FOXP2: variants seen among roughly 807,000 people sequenced by gnomAD.
FOXP2 encodes the protein forkhead box protein P2.
FOXP2 carries 12 observed loss-of-function variants against 115.8 expected under a neutral mutation model. The ratio of observed to expected loss-of-function variants is 0.10; its 90% CI spans 0.07 to 0.17. FOXP2 has a LOEUF of 0.17. Ranked by LOEUF, FOXP2 falls within the 10% of genes least tolerant of loss-of-function variation. The probability of loss-of-function intolerance (pLI) is 1.00; values close to 1 mark genes in which losing one functional copy is unlikely to be tolerated. For synonymous variants in FOXP2, 328 were observed against 297.7 expected, an observed-to-expected ratio of 1.10 and a Z score of -1.05; for missense variants, 629 against 843.5, an observed-to-expected ratio of 0.75 and a Z score of 3.15.
At chr7:114,567,042 C>A (rs1259896213) in intron 3 of FOXP2, among the ~76,000 whole-genome samples, 1 of 152,014 alleles carries the variant, frequency 6.6e-6, no homozygotes, top group East Asian at 1.9e-4. Flanking sequence ...AAAAATATTT[C>A]TTTACTCATA....
chr7:114,395,687 G>T (rs182225950), intron 2 of FOXP2, among the ~76,000 whole-genome samples: 1 of 152,106 alleles, frequency 6.6e-6, no homozygotes, highest in African/African-American at 2.4e-5. Flanking sequence ...AGATTTGAGA[G>T]AGCAGGATTA....
At chr7:114,629,495 G>A (rs1804772013) in intron 4 of FOXP2, 1 of 1,067,262 alleles carries the variant, frequency 9.4e-7, no homozygotes, top group South Asian at 1.4e-5. Flanking sequence ...GTATAGCCTA[G>A]TTTTTATGTG....
At chr7:114,524,568 T>C (rs895620622) in intron 2 of FOXP2, among the ~76,000 whole-genome samples, 12 of 152,110 alleles carry the variant, frequency 7.9e-5, no homozygotes, top group Non-Finnish European at 1.8e-4. Flanking sequence ...TGAAAAAGCT[T>C]GGACATATAA....
intron 3 of FOXP2, chr7:114,613,725 C>T (rs1477054111): frequency 1.3e-5 from 2 of 150,010 alleles, no homozygotes; most frequent in Non-Finnish European, 3.0e-5. Flanking sequence ...TATATCAATG[C>T]TTAGCAAGAC....
chr7:114,360,697 T>C (rs1791725203), intron 2 of FOXP2, among the ~76,000 whole-genome samples: 1 of 152,156 alleles, frequency 6.6e-6, no homozygotes, highest in Non-Finnish European at 1.5e-5. Flanking sequence ...AAATGGAGAA[T>C]TGGTGGTGGA....
intron 3 of FOXP2, among the ~76,000 whole-genome samples, chr7:114,571,652 T>G (rs1801309213): frequency 6.6e-6 from 1 of 152,024 alleles, no homozygotes; most frequent in South Asian, 2.1e-4. Context: ...TTTTTCTTCC[T>G]TATCATTATT....
intron 1 of FOXP2, among the ~76,000 whole-genome samples, chr7:114,090,813 CT>C (rs962777347): frequency 4.0e-4 from 59 of 145,978 alleles, no homozygotes; most frequent in South Asian, 4.3e-4. Context: ...ATTCTTGGAA[CT>C]TTTTTTTTTT....
chr7:114,176,286 TTCTTTCTTTCTTTC>T (rs752451729), intron 1 of FOXP2, among the ~76,000 whole-genome samples: 820 of 41,046 alleles, frequency 0.02, 2 homozygotes, highest in Non-Finnish European at 0.044. Context: ...CTTTCTTTCT[TTCTTTCTTTCTTTC>T]TCTCTCTCTC....
intron 1 of FOXP2, among the ~76,000 whole-genome samples, chr7:114,102,175 G>C (rs746907687): frequency 2.6e-5 from 4 of 151,962 alleles, no homozygotes; most frequent in Non-Finnish European, 5.9e-5. Flanking sequence ...TTCTAAGGTT[G>C]AAGAATGCTT....
intron 2 of FOXP2, among the ~76,000 whole-genome samples, chr7:114,489,717 A>T (rs1796945442): frequency 6.6e-6 from 1 of 152,068 alleles, no homozygotes; most frequent in Non-Finnish European, 1.5e-5. Context: ...CACCAGGTGG[A>T]GGTTAAAGTT....
chr7:114,514,472 G>A (rs1053571300), intron 2 of FOXP2, among the ~76,000 whole-genome samples: 1 of 48,386 alleles, frequency 2.1e-5, no homozygotes, highest in Non-Finnish European at 3.2e-5. Context: ...TTAGTTCAAC[G>A]TTTTTGGTTT....
chr7:114,294,827 G>C (rs116445281), intron 2 of FOXP2, among the ~76,000 whole-genome samples: 2,034 of 150,158 alleles, frequency 0.014, 38 homozygotes, highest in African/African-American at 0.038. Flanking sequence ...GGCAACAGAA[G>C]GAGACACTGC....
intron 1 of FOXP2, among the ~76,000 whole-genome samples, chr7:114,121,639 AC>A (rs1791569542): frequency 6.6e-6 from 1 of 152,104 alleles, no homozygotes. Flanking sequence ...TCTGAATGTC[AC>A]ATAACTGAAA....
chr7:114,584,440 T>G (rs1802027051), intron 3 of FOXP2, among the ~76,000 whole-genome samples: 1 of 152,206 alleles, frequency 6.6e-6, no homozygotes, highest in African/African-American at 2.4e-5. Flanking sequence ...AACTTGACAA[T>G]TTTTTAACAT....
At chr7:114,219,487 A>G (rs1330582427) in intron 1 of FOXP2, among the ~76,000 whole-genome samples, 1 of 152,164 alleles carries the variant, frequency 6.6e-6, no homozygotes, top group African/African-American at 2.4e-5. Context: ...AGTAACAGCT[A>G]TATTTGTTTT....
At chr7:114,219,985 G>A (rs1355786920) in intron 1 of FOXP2, among the ~76,000 whole-genome samples, 1 of 151,596 alleles carries the variant, frequency 6.6e-6, no homozygotes, top group Non-Finnish European at 1.5e-5. Flanking sequence ...TCCTGCCTCA[G>A]CCTCCTGAGT....
intron 1 of FOXP2, among the ~76,000 whole-genome samples, chr7:114,265,152 A>G (rs1196504537): frequency 6.6e-6 from 1 of 152,164 alleles, no homozygotes; most frequent in Non-Finnish European, 1.5e-5. Flanking sequence ...CATTAACTCA[A>G]AAGTCCAAAG....
At chr7:114,249,543 C>G (rs1429497032) in intron 1 of FOXP2, among the ~76,000 whole-genome samples, 1 of 152,142 alleles carries the variant, frequency 6.6e-6, no homozygotes, top group East Asian at 1.9e-4. Flanking sequence ...AGGACATGAT[C>G]TCTTTCCTTT....
chr7:114,508,585 G>T (rs1341917661), intron 2 of FOXP2, among the ~76,000 whole-genome samples: 1 of 151,922 alleles, frequency 6.6e-6, no homozygotes, highest in Non-Finnish European at 1.5e-5. Context: ...AAGAGGAGCA[G>T]GAAACCTAAA....
Sources: allele counts gnomAD v4.1 joint callset (sites outside exome capture counted in the v4.1 genomes callset), GRCh38; gene constraint gnomAD v4.1.1; transcripts MANE v1.5; gene names NCBI Gene and HGNC (gene_info 2026-07-23, HGNC 2026-07-21).